RSBN1L: variants seen among roughly 807,000 people sequenced by gnomAD.
RSBN1L encodes the protein lysine-specific demethylase RSBN1L.
A neutral mutation model predicts 67.7 loss-of-function variants in RSBN1L; 30 were observed. The observed-to-expected ratio is 0.44, with a 90% CI of 0.33 to 0.60. RSBN1L has a LOEUF of 0.60. Among genes scored for constraint, RSBN1L ranks in the 20% least tolerant of loss-of-function variants. The pLI, the probability that RSBN1L is intolerant of heterozygous loss-of-function variation, is 0.02. For synonymous variants in RSBN1L, 433 were observed against 387.0 expected, an observed-to-expected ratio of 1.12 and a Z score of -1.39; for missense variants, 992 against 1,031.7, an observed-to-expected ratio of 0.96 and a Z score of 0.53.
At chr7:77,717,406 A>G (rs1791062386) in intron 1 of RSBN1L, among the ~76,000 whole-genome samples, 1 of 152,138 alleles carries the variant, frequency 6.6e-6, no homozygotes, top group Non-Finnish European at 1.5e-5. Flanking sequence ...TCTACATATA[A>G]TTGGTAATTG....
At chr7:77,709,705 TCTGC>T (rs1258452522) in intron 1 of RSBN1L, among the ~76,000 whole-genome samples, 1 of 152,198 alleles carries the variant, frequency 6.6e-6, no homozygotes, top group Admixed American at 6.6e-5. Flanking sequence ...TTATTTGTCT[TCTGC>T]CACTAAGTTT....
At chr7:77,757,461 G>A (rs551400402) in intron 3 of RSBN1L, among the ~76,000 whole-genome samples, 4 of 152,212 alleles carry the variant, frequency 2.6e-5, no homozygotes, top group African/African-American at 9.6e-5. Flanking sequence ...ATGAAAGTCC[G>A]TTTGAGGATA....
chr7:77,748,269 G>C (rs1320340764), intron 2 of RSBN1L, among the ~76,000 whole-genome samples: 1 of 152,160 alleles, frequency 6.6e-6, no homozygotes, highest in Admixed American at 6.5e-5. Flanking sequence ...AATTAAGACA[G>C]TGGCATCAAG....
chr7:77,760,152 G>A (rs913030795), intron 3 of RSBN1L, among the ~76,000 whole-genome samples: 1 of 152,106 alleles, frequency 6.6e-6, no homozygotes, highest in Admixed American at 6.5e-5. Flanking sequence ...TTAAGAATAG[G>A]CTACTTTTTT....
At chr7:77,715,281 AAGATT>A (rs1407739934) in intron 1 of RSBN1L, among the ~76,000 whole-genome samples, 8 of 152,110 alleles carry the variant, frequency 5.3e-5, no homozygotes, top group Non-Finnish European at 8.8e-5. Flanking sequence ...AAAAGAAAGA[AAGATT>A]AGAGTGGATG....
intron 3 of RSBN1L, among the ~76,000 whole-genome samples, chr7:77,753,345 T>C (rs1019029589): frequency 3.3e-5 from 5 of 152,236 alleles, no homozygotes; most frequent in African/African-American, 1.2e-4. Context: ...GGTAGCTCCC[T>C]GTGGTTTAAT....
At chr7:77,774,733 C>T (rs1032425873) in intron 6 of RSBN1L, among the ~76,000 whole-genome samples, 1 of 152,148 alleles carries the variant, frequency 6.6e-6, no homozygotes, top group South Asian at 2.1e-4. Flanking sequence ...AGCAAAACTC[C>T]GTCCCACCAC....
At chr7:77,719,380 T>G (rs2150415588) in intron 1 of RSBN1L, among the ~76,000 whole-genome samples, 1 of 152,344 alleles carries the variant, frequency 6.6e-6, no homozygotes. Flanking sequence ...CATATTGTTA[T>G]CATTAAGAAC....
At chr7:77,727,389 C>T (rs1195568525) in intron 1 of RSBN1L, among the ~76,000 whole-genome samples, 2 of 152,200 alleles carry the variant, frequency 1.3e-5, no homozygotes, top group African/African-American at 4.8e-5. Context: ...GCCCAGCCCC[C>T]CATCTGCTTT....
At position 77,753,106 on chromosome 7, in the gene RSBN1L, A is replaced by C. The variant is rs186075886; in HGVS notation, c.1344+3042A>C. ...TTGAGGCTGGTAGAACACGGATGCT[A>C]TGAATATTTTTCACATGTCTTGATG... is the stretch of plus-strand genomic sequence containing the variant. On this transcript the variant is annotated intron_variant, in intron 3 of 7. Coordinates refer to ENST00000334955, the MANE Select transcript of RSBN1L (RefSeq NM_198467.3). 9.2e-5 allele frequency among the ~76,000 whole-genome samples: 14 copies of C among 152,300 alleles called. No individual in the cohort carries two copies. In the East Asian group the frequency reaches 1.9e-3, roughly 21 times the overall value.
intron 1 of RSBN1L, among the ~76,000 whole-genome samples, chr7:77,714,652 A>G (rs1000136615): frequency 6.6e-6 from 1 of 152,036 alleles, no homozygotes; most frequent in African/African-American, 2.4e-5. Context: ...GCCTGCCCTA[A>G]ACATTCACAT....
chr7:77,743,097 G>T (rs533625631), intron 2 of RSBN1L, among the ~76,000 whole-genome samples: 1 of 151,806 alleles, frequency 6.6e-6, no homozygotes, highest in South Asian at 2.1e-4. Context: ...TCTGTTGCCA[G>T]TATGGAGTAC....
At chr7:77,718,231 T>C (rs1791073261) in intron 1 of RSBN1L, among the ~76,000 whole-genome samples, 1 of 152,238 alleles carries the variant, frequency 6.6e-6, no homozygotes, top group Non-Finnish European at 1.5e-5. Flanking sequence ...TGATTGTGTT[T>C]ATAGCTCTGA....
chr7:77,735,779 TG>T lies in RSBN1L; in HGVS notation c.587-630del, dbSNP rs141687880. Among the ~76,000 whole-genome samples, 1,100 of 152,252 alleles carry T rather than the reference TG, an allele frequency of 7.2e-3. 16 individuals carry two copies. The highest frequency in any genetic ancestry group is 0.025 in the African/African-American group (1,053 of 41,562). ...GAATTTAATAGGCTATCAAATATTT[TG>T]TTTGAAGTTTTAGAATGCAAATGAA... On this transcript the variant is annotated intron_variant, in intron 1 of 7. Transcript: ENST00000334955.
chr7:77,709,958 C>T (rs988428769), intron 1 of RSBN1L, among the ~76,000 whole-genome samples: 2 of 152,126 alleles, frequency 1.3e-5, no homozygotes, highest in Non-Finnish European at 2.9e-5. Context: ...TATGTATGTT[C>T]CTTGTCTCAG....
Position 77,747,358 on chromosome 7 carries a change from G to A in RSBN1L, c.704-2066G>A, listed in dbSNP as rs145624490. Among the ~76,000 whole-genome samples, 140 of 152,326 alleles carry A rather than the reference G, an allele frequency of 9.2e-4. 2 individuals carry two copies. The highest frequency in any genetic ancestry group is 3.0e-3 in the African/African-American group (124 of 41,586). The stretch of plus-strand genomic sequence containing the variant: ...AGTCCTAGAAGGCATTTCAGAGAAC[G>A]TTGTGGCAGCTCCTCCCATCACAGG... On this transcript the variant is annotated intron_variant, in intron 2 of 7. Transcript: ENST00000334955.
chr7:77,763,091 G>A (rs906049645), intron 3 of RSBN1L, among the ~76,000 whole-genome samples: 4 of 150,990 alleles, frequency 2.6e-5, no homozygotes, highest in African/African-American at 9.8e-5. Flanking sequence ...ACAAGATAAG[G>A]AAATTTATGC....
At position 77,750,049 on chromosome 7, in the gene RSBN1L, C is replaced by A; in HGVS notation, c.1329C>A (p.Ser443=). ...AAGATATAGAGACAACGACTATGTC[C>A]AATTTTCATGCTCAGGTAAGAGGTT... The part of the protein sequence containing the change: ...GKKDIETTTM[S]NFHAQVKRTY... Residue 443 remains serine, a synonymous_variant, in exon 3 of 8, where the codon TCC becomes TCA. Coordinates refer to ENST00000334955, the MANE Select transcript of RSBN1L (RefSeq NM_198467.3). The A allele has an allele frequency of 6.3e-7, 1 of 1,588,732 alleles. No homozygotes were observed. The highest frequency in any genetic ancestry group is 8.5e-7 in the Non-Finnish European group (1 of 1,170,750).
intron 1 of RSBN1L, among the ~76,000 whole-genome samples, chr7:77,734,822 T>C (rs1028250454): frequency 2.0e-5 from 3 of 152,166 alleles, no homozygotes; most frequent in Non-Finnish European, 4.4e-5. Context: ...CAGCAGCCTA[T>C]GACAGGATTT....
Sources: gnomAD v4.1 joint callset for allele counts (sites outside exome capture counted in the v4.1 genomes callset) on GRCh38, gnomAD v4.1.1 for gene constraint, MANE v1.5 for transcripts, NCBI Gene and HGNC (gene_info 2026-07-23, HGNC 2026-07-21) for gene names.